Variants in ECE1 observed in about 807,000 individuals in gnomAD.
ECE1 encodes the protein endothelin converting enzyme 1, also known as endothelin-converting enzyme 1.
ECE1 carries 35 observed loss-of-function variants against 98.6 expected under a neutral mutation model. The ratio of observed to expected loss-of-function variants is 0.35; its 90% CI spans 0.27 to 0.47. ECE1 has a LOEUF of 0.47. ECE1 is among the 20% of genes least tolerant of loss of function. The pLI is 1.00. For synonymous variants in ECE1, 394 were observed against 407.1 expected (o/e 0.97, Z 0.39); for missense variants, 814 against 1,025.3 (o/e 0.79, Z 2.81).
chr1:21,298,748 A>C (rs1382140048), intron 1 of ECE1: 1 of 456,182 alleles, frequency 2.2e-6, no homozygotes, highest in African/African-American at 2.0e-5. Context: ...CCTGGATTTG[A>C]ACCCAGGTTT....
intron 14 of ECE1, among the ~76,000 whole-genome samples, chr1:21,228,650 G>C (rs533691062): frequency 6.6e-6 from 1 of 151,952 alleles, no homozygotes; most frequent in East Asian, 2.0e-4. Flanking sequence ...TTAGCCAGGC[G>C]TGGTGGCGCA....
chr1:21,236,001 G>C (rs886842202), intron 12 of ECE1, 74 bp from the exon 13 acceptor site: 10 of 1,430,506 alleles, frequency 7.0e-6, no homozygotes, highest in Non-Finnish European at 9.9e-6. Flanking sequence ...TGGGTGCTGG[G>C]CTCATAGTCT....
chr1:21,255,977 G>T lies in ECE1; in HGVS notation c.990C>A (p.Ile330=), dbSNP rs759843917. The change falls in exon 8 of 19, where the codon ATC becomes ATA. Residue 330 remains isoleucine, a synonymous_variant. Transcript: ENST00000374893. ...GCTCGGCTGCCGTCACTTTGTGGTAGATGAGCTCCTCATCACGGCGCTTCT... is the reference window on the plus strand; with the variant it reads ...GCTCGGCTGCCGTCACTTTGTGGTATATGAGCTCCTCATCACGGCGCTTCT... ...PQEKRRDEEL[I]YHKVTAAELQ... The T allele has an allele frequency of 6.2e-7, 1 of 1,614,168 alleles. No individual in the cohort carries two copies. The highest frequency in any genetic ancestry group is 1.7e-5 in the Admixed American group (1 of 60,032).
intron 10 of ECE1, among the ~76,000 whole-genome samples, chr1:21,240,505 A>G (rs529579667): frequency 1.3e-5 from 2 of 152,294 alleles, no homozygotes; most frequent in African/African-American, 4.8e-5. Flanking sequence ...ACCAAACCAA[A>G]AACTCACTGA....
intron 14 of ECE1, among the ~76,000 whole-genome samples, chr1:21,228,306 C>T (rs1407237153): frequency 8.5e-5 from 13 of 152,070 alleles, no homozygotes; most frequent in African/African-American, 3.1e-4. Context: ...CTCAAGCCAT[C>T]CTCCTGCCTC....
intron 1 of ECE1, among the ~76,000 whole-genome samples, chr1:21,333,226 G>C (rs983241647): frequency 6.6e-6 from 1 of 152,074 alleles, no homozygotes; most frequent in Non-Finnish European, 1.5e-5. Flanking sequence ...TGCAGAAGGT[G>C]GGGGGAGCTG....
At chr1:21,232,142 T>G (rs929629883) in intron 14 of ECE1, among the ~76,000 whole-genome samples, 2 of 152,146 alleles carry the variant, frequency 1.3e-5, no homozygotes, top group African/African-American at 2.4e-5. Context: ...TGAACCCCTA[T>G]AGTCCACCAG....
intron 8 of ECE1, among the ~76,000 whole-genome samples, chr1:21,252,931 A>T (rs1002040784): frequency 2.6e-5 from 4 of 152,234 alleles, no homozygotes; most frequent in South Asian, 2.1e-4. Flanking sequence ...TTACTGAATG[A>T]ACTCTCATCC....
At chr1:21,309,411 T>A (rs745322994) in intron 1 of ECE1, among the ~76,000 whole-genome samples, 3 of 152,220 alleles carry the variant, frequency 2.0e-5, no homozygotes, top group African/African-American at 7.2e-5. Flanking sequence ...CACCAAGTTG[T>A]TGGGAGGATG....
Position 21,319,205 on chromosome 1 carries a change from C to T in ECE1, c.3+26171G>A, listed in dbSNP as rs1449090795. The stretch of plus-strand genomic sequence containing the variant: ...ACTAAAATACAAAAAAGTAGCCAGG[C>T]GTGGTGGTGTGCGTCTATAATCCCA... On this transcript the variant is annotated intron_variant, in intron 1 of 18. Transcript: ENST00000415912. The surrounding 1 kb of genome is among the most constrained non-coding windows in gnomAD (Gnocchi z 4.4). 3.9e-5 allele frequency among the ~76,000 whole-genome samples: 6 copies of T among 152,032 alleles called. No homozygotes were observed. Among genetic ancestry groups the T allele is most frequent in the Admixed American group, 6.6e-5 (1 of 15,264 alleles).
intron 1 of ECE1, among the ~76,000 whole-genome samples, chr1:21,300,303 G>A (rs1224082112): frequency 2.0e-5 from 3 of 152,262 alleles, no homozygotes; most frequent in Non-Finnish European, 4.4e-5. Context: ...GCTCTGGGCA[G>A]GTCGTGTCCC....
At chr1:21,273,373 G>T (rs574507181) in intron 3 of ECE1, among the ~76,000 whole-genome samples, 1 of 151,766 alleles carries the variant, frequency 6.6e-6, no homozygotes, top group South Asian at 2.1e-4. Context: ...GTGTGTGTGT[G>T]TGTGTGTGTA....
intron 1 of ECE1, among the ~76,000 whole-genome samples, chr1:21,303,895 C>T (rs1638538862): frequency 6.6e-6 from 1 of 152,106 alleles, no homozygotes; most frequent in African/African-American, 2.4e-5. Flanking sequence ...AAGTGATCTG[C>T]CTGCCTCGAC....
chr1:21,238,200 G>A lies in ECE1; in HGVS notation c.1323C>T (p.Asn441=), dbSNP rs2098190843. ...TGGGGCCCAACGCAAAGCCCAGGTT[G>A]TTTTCTGTGTCACTCACGCAAAACT... ...RWKFCVSDTE[N]NLGFALGPMF... Residue 441 remains asparagine, a synonymous_variant, in exon 11 of 19, where the codon AAC becomes AAT. Transcript: ENST00000374893. 1 of 1,614,278 alleles carries A rather than the reference G, an allele frequency of 6.2e-7. No homozygotes were observed. The highest frequency in any genetic ancestry group is 2.2e-5 in the East Asian group (1 of 44,890).
At position 21,340,458 on chromosome 1, in the gene ECE1, C is replaced by G. The variant is rs537984671; in HGVS notation, c.3+4918G>C. On this transcript the variant is annotated intron_variant, in intron 1 of 18. Transcript: ENST00000415912. The surrounding 1 kb of genome is among the most constrained non-coding windows in gnomAD (Gnocchi z 4.6). ...GCCTCCTCACTGGTTTCCCAGCCTT[C>G]GGCCTCACTCCTTCTACTCAATCAC... 2.6e-5 allele frequency among the ~76,000 whole-genome samples: 4 copies of G among 152,266 alleles called. No homozygotes were observed. Among genetic ancestry groups the G allele is most frequent in the Non-Finnish European group, 4.4e-5 (3 of 68,048 alleles).
At position 21,260,420 on chromosome 1, in the gene ECE1, A is replaced by G. The variant is rs1301389856; in HGVS notation, c.494-28T>C. On this transcript the variant is annotated intron_variant, in intron 4 of 18. Coordinates refer to ENST00000374893, the MANE Select transcript of ECE1 (RefSeq NM_001397.3). This position sits in a 1 kb window ranked among gnomAD's most constrained non-coding sequence, Gnocchi z 4.3. ...GGAACAACAGACAGTGGAGTTTGCA[A>G]TGCGGCCCCACTTGCCCACTGGGTG... 4 of 1,614,058 alleles carry G rather than the reference A, an allele frequency of 2.5e-6. No homozygotes were observed. The highest frequency in any genetic ancestry group is 2.7e-5 in the African/African-American group (2 of 75,044).
At position 21,327,655 on chromosome 1, in the gene ECE1, C is replaced by G. The variant is rs574158083; in HGVS notation, c.3+17721G>C. 1.3e-4 allele frequency among the ~76,000 whole-genome samples: 20 copies of G among 152,292 alleles called. No homozygotes were observed. The highest frequency in any genetic ancestry group is 4.3e-4 in the African/African-American group (18 of 41,574). On this transcript the variant is annotated intron_variant, in intron 1 of 18. Coordinates refer to the ECE1 transcript ENST00000415912. This position sits in a 1 kb window ranked among gnomAD's most constrained non-coding sequence, Gnocchi z 4.6. Reference sequence around the variant, plus strand: ...ATAAAGCCTCACCTGGTCTGCACGGCCCTGCGGGACCCAGCCCTGACCACC... The same window carrying G: ...ATAAAGCCTCACCTGGTCTGCACGGGCCTGCGGGACCCAGCCCTGACCACC...
intron 1 of ECE1, among the ~76,000 whole-genome samples, chr1:21,305,806 T>A (rs1219728925): frequency 1.3e-5 from 2 of 152,198 alleles, no homozygotes; most frequent in Non-Finnish European, 2.9e-5. Context: ...GTGGCTGGAA[T>A]CTGAGCTGGA....
At chr1:21,305,182 T>A (rs901182618) in intron 1 of ECE1, among the ~76,000 whole-genome samples, 1 of 152,200 alleles carries the variant, frequency 6.6e-6, no homozygotes, top group Non-Finnish European at 1.5e-5. Context: ...CTCGACAGCA[T>A]AGACACAGGC....
Sources: allele counts gnomAD v4.1 joint callset (sites outside exome capture counted in the v4.1 genomes callset), GRCh38; gene constraint gnomAD v4.1.1; non-coding constraint Gnocchi (gnomAD v3.1); transcripts MANE v1.5; gene names NCBI Gene and HGNC (gene_info 2026-07-23, HGNC 2026-07-21).